Variants in RANBP2 observed in about 807,000 individuals in gnomAD.
RANBP2 encodes RAN binding protein 2, also known as E3 SUMO-protein ligase RanBP2.
Under a neutral mutation model 303.6 loss-of-function variants are expected in RANBP2, and 57 were observed. The observed-to-expected ratio is 0.19, with a 90% CI of 0.15 to 0.23. The LOEUF (loss-of-function observed/expected upper bound fraction) is 0.23, where lower values mean the gene tolerates loss of function less well. RANBP2 is among the 10% of genes least tolerant of loss of function. The pLI is 1.00. For synonymous variants in RANBP2, 1,167 were observed against 1,301.5 expected, an observed-to-expected ratio of 0.90 and a Z score of 2.23; for missense variants, 3,138 against 3,780.8, an observed-to-expected ratio of 0.83 and a Z score of 4.46.
the RANBP2 span, among the ~76,000 whole-genome samples, chr2:109,634,739 A>G: frequency 3.3e-5 from 5 of 152,250 alleles, no homozygotes; most frequent in Non-Finnish European, 7.3e-5. Context: ...TGATGTTAAA[A>G]AGTAAGAGAG....
the RANBP2 span, among the ~76,000 whole-genome samples, chr2:109,269,308 C>G: frequency 6.6e-6 from 1 of 152,182 alleles, no homozygotes; most frequent in Non-Finnish European, 1.5e-5. Flanking sequence ...ATAGCAGCAG[C>G]CAAGATGGGA....
the RANBP2 span, among the ~76,000 whole-genome samples, chr2:109,532,695 AG>A: frequency 6.6e-6 from 1 of 152,218 alleles, no homozygotes; most frequent in Non-Finnish European, 1.5e-5. Flanking sequence ...CAGGGAGACC[AG>A]GATAGCACAA....
In RANBP2 at chr2:108,775,923, T is replaced by G. The variant is rs141258840; in HGVS notation, c.8484T>G (p.Asp2828Glu). The G allele has an allele frequency of 1.2e-6, 2 of 1,610,062 alleles. No homozygotes were observed. The highest frequency in any genetic ancestry group is 1.1e-5 in the South Asian group (1 of 91,042). ...CAACTAGAAAGGAAATTGATACAGA[T>G]TCTACAAGCCAAGGTAAATCTTGAT... ...DLSTRKEIDT[D>E]STSQGESKIV... The change falls in exon 24 of 29, where the codon GAT (aspartate) becomes GAG (glutamate). Residue 2828 changes from aspartate (D) to glutamate (E), a missense_variant. Physicochemically the swap from Asp to Glu is conservative, Grantham distance 45. Coordinates refer to ENST00000283195, the MANE Select transcript of RANBP2 (RefSeq NM_006267.5).
chr2:109,571,334 T>G, the RANBP2 span, among the ~76,000 whole-genome samples: 1 of 152,206 alleles, frequency 6.6e-6, no homozygotes, highest in Non-Finnish European at 1.5e-5. Flanking sequence ...TCTTAGGTGA[T>G]TTTGATGTTG....
At chr2:109,499,385 A>G in the RANBP2 span, among the ~76,000 whole-genome samples, 1 of 152,236 alleles carries the variant, frequency 6.6e-6, no homozygotes, top group African/African-American at 2.4e-5. Flanking sequence ...TGCCTGCCAC[A>G]AAATCCACCA....
At chr2:109,618,550 G>C in the RANBP2 span, 4 of 166,944 alleles carry the variant, frequency 2.4e-5, no homozygotes, top group African/African-American at 9.7e-5. Flanking sequence ...TCCTTTTCAT[G>C]ATGTGCTTTT....
chr2:109,087,116 G>A, the RANBP2 span, among the ~76,000 whole-genome samples: 1 of 152,170 alleles, frequency 6.6e-6, no homozygotes, highest in Non-Finnish European at 1.5e-5. Flanking sequence ...TTGTCCCTGG[G>A]CCAGAAAGAG....
At chr2:109,120,639 C>G in the RANBP2 span, among the ~76,000 whole-genome samples, 1 of 139,934 alleles carries the variant, frequency 7.1e-6, no homozygotes, top group Non-Finnish European at 1.5e-5. Context: ...TGCACTCCAG[C>G]CTGGGCAAAA....
chr2:109,692,386 G>A, the RANBP2 span, among the ~76,000 whole-genome samples: 8 of 152,268 alleles, frequency 5.3e-5, no homozygotes, highest in East Asian at 7.7e-4. Context: ...GGTGGCAGAT[G>A]CACAACTCTG....
At chr2:109,245,486 A>G in the RANBP2 span, among the ~76,000 whole-genome samples, 1 of 152,114 alleles carries the variant, frequency 6.6e-6, no homozygotes, top group Admixed American at 6.5e-5. Context: ...TGAGTTGATT[A>G]TTTTCCTTTC....
the RANBP2 span, among the ~76,000 whole-genome samples, chr2:109,389,229 G>C: frequency 6.6e-6 from 1 of 151,698 alleles, no homozygotes; most frequent in Non-Finnish European, 1.5e-5. Context: ...GGCCCCTCCT[G>C]GTCCTCAGCA....
At chr2:108,822,760 C>T in the RANBP2 span, among the ~76,000 whole-genome samples, 1 of 152,138 alleles carries the variant, frequency 6.6e-6, no homozygotes, top group Non-Finnish European at 1.5e-5. Context: ...AAAAATACAT[C>T]ATACCAAAAT....
At chr2:108,780,110 T>C (rs1352422787) in intron 25 of RANBP2, among the ~76,000 whole-genome samples, 1 of 152,114 alleles carries the variant, frequency 6.6e-6, no homozygotes, top group Non-Finnish European at 1.5e-5. Flanking sequence ...GTCTTATCTT[T>C]GTATCGCTAA....
the RANBP2 span, among the ~76,000 whole-genome samples, chr2:109,164,647 GA>G: frequency 6.6e-6 from 1 of 152,184 alleles, no homozygotes; most frequent in African/African-American, 2.4e-5. Flanking sequence ...TTGGGAGGGG[GA>G]AAAAAGAGCA....
At chr2:109,307,496 A>G in the RANBP2 span, among the ~76,000 whole-genome samples, 15 of 149,794 alleles carry the variant, frequency 1.0e-4, no homozygotes, top group Middle Eastern at 6.9e-3. Flanking sequence ...ATATGTATAC[A>G]TGTGCCATGC....
At chr2:108,905,112 G>A in the RANBP2 span, among the ~76,000 whole-genome samples, 1 of 152,164 alleles carries the variant, frequency 6.6e-6, no homozygotes, top group Non-Finnish European at 1.5e-5. Flanking sequence ...ATTACATCAG[G>A]GTGTTTGGGC....
chr2:109,389,049 T>C, the RANBP2 span, among the ~76,000 whole-genome samples: 1 of 152,186 alleles, frequency 6.6e-6, no homozygotes, highest in African/African-American at 2.4e-5. Flanking sequence ...TGCAGCATCA[T>C]AGGCCCAAGG....
the RANBP2 span, among the ~76,000 whole-genome samples, chr2:109,078,860 A>G: frequency 1.3e-5 from 2 of 151,436 alleles, no homozygotes; most frequent in Non-Finnish European, 2.9e-5. Context: ...GTGTGGTGGC[A>G]CACACCCGTA....
chr2:109,596,441 C>T, the RANBP2 span, among the ~76,000 whole-genome samples: 1 of 151,912 alleles, frequency 6.6e-6, no homozygotes, highest in Non-Finnish European at 1.5e-5. Flanking sequence ...CACAGTGAAA[C>T]CCCGTCTCTA....
Sources: gnomAD v4.1 joint callset for allele counts (sites outside exome capture counted in the v4.1 genomes callset) on GRCh38, gnomAD v4.1.1 for gene constraint, MANE v1.5 for transcripts, NCBI Gene and HGNC (gene_info 2026-07-23, HGNC 2026-07-21) for gene names.